DISP1: variants seen among roughly 807,000 people sequenced by gnomAD.
The protein encoded by DISP1 is dispatched RND transporter family member 1, also known as protein dispatched homolog 1.
DISP1 carries 30 observed loss-of-function variants against 37.3 expected under a neutral mutation model. That is an observed-to-expected ratio of 0.80 (90% confidence interval 0.60 to 1.09). The LOEUF (loss-of-function observed/expected upper bound fraction) is 1.09. Among genes scored for constraint, DISP1 ranks in the 50% least tolerant of loss-of-function variants. The pLI is 0.00. For missense variants in DISP1, 1,598 were observed against 1,879.5 expected (o/e 0.85, Z 2.77); for synonymous variants, 634 against 690.2 (o/e 0.92, Z 1.28).
chr1:222,969,589 G>C (rs1451874627), intron 3 of DISP1, among the ~76,000 whole-genome samples: 1 of 151,744 alleles, frequency 6.6e-6, no homozygotes, highest in East Asian at 1.9e-4. Context: ...TGATATATAA[G>C]TAATGGCAAA....
chr1:222,992,126 G>A lies in DISP1; in HGVS notation c.889+16G>A, dbSNP rs1678743979. The A allele has an allele frequency of 1.3e-6, 2 of 1,593,126 alleles. No individual in the cohort carries two copies. The highest frequency in any genetic ancestry group is 3.3e-4 in the Middle Eastern group (2 of 6,014). ...GACGTTCCAAGTGAGTGACATTGTAGATGAACAAACCACTCAGCAGTTTGC... is the reference window on the plus strand; with the variant it reads ...GACGTTCCAAGTGAGTGACATTGTAAATGAACAAACCACTCAGCAGTTTGC... On this transcript the variant is annotated intron_variant, in intron 7 of 8. Coordinates refer to ENST00000675850, the MANE Select transcript of DISP1 (RefSeq NM_001377229.1).
chr1:222,985,390 G>A (rs146525136), intron 4 of DISP1, among the ~76,000 whole-genome samples: 1 of 152,178 alleles, frequency 6.6e-6, no homozygotes, highest in Non-Finnish European at 1.5e-5. Flanking sequence ...AGTGGCTCAC[G>A]CCTATAATCC....
At chr1:222,963,262 G>C (rs545604114) in intron 3 of DISP1, among the ~76,000 whole-genome samples, 1 of 152,212 alleles carries the variant, frequency 6.6e-6, no homozygotes, top group Admixed American at 6.5e-5. Flanking sequence ...TTATTAAAAA[G>C]TCATGAAACA....
intron 3 of DISP1, 128 bp downstream of exon 3, chr1:222,943,460 C>A: frequency 7.6e-7 from 1 of 1,320,446 alleles, no homozygotes; most frequent in Non-Finnish European, 1.1e-6. Flanking sequence ...AACGCATATT[C>A]TGTGGATTGT....
At chr1:222,888,676 T>C (rs1398749075) in intron 1 of DISP1, among the ~76,000 whole-genome samples, 1 of 152,148 alleles carries the variant, frequency 6.6e-6, no homozygotes, top group Non-Finnish European at 1.5e-5. Context: ...AGAAAATTTT[T>C]ATTTTCTCCC....
At chr1:222,936,814 T>TATATATCACATATATG (rs1673841597) in intron 2 of DISP1, among the ~76,000 whole-genome samples, 1 of 32,536 alleles carries the variant, frequency 3.1e-5, no homozygotes, top group Non-Finnish European at 6.1e-5. Context: ...ATATATAAAT[T>TATATATCACATATATG]ATATATAATA....
At chr1:222,828,576 A>C (rs578159064) in intron 1 of DISP1, among the ~76,000 whole-genome samples, 1 of 152,026 alleles carries the variant, frequency 6.6e-6, no homozygotes, top group East Asian at 1.9e-4. Flanking sequence ...ATGTTTTTTA[A>C]TTTACTCCCT....
intron 1 of DISP1, among the ~76,000 whole-genome samples, chr1:222,829,066 G>A (rs1353133901): frequency 2.6e-5 from 4 of 152,098 alleles, no homozygotes; most frequent in Non-Finnish European, 5.9e-5. Context: ...CTATTTGTTT[G>A]ATGAAGAAGC....
intron 2 of DISP1, among the ~76,000 whole-genome samples, chr1:222,939,998 C>T (rs554460078): frequency 1.4e-4 from 22 of 151,850 alleles, no homozygotes; most frequent in Non-Finnish European, 2.6e-4. Context: ...TGGTGGTGGG[C>T]GCCTGTAGTC....
chr1:222,838,029 T>A (rs1178913018), intron 1 of DISP1, among the ~76,000 whole-genome samples: 1 of 152,182 alleles, frequency 6.6e-6, no homozygotes, highest in African/African-American at 2.4e-5. Context: ...TCCTATTATT[T>A]CTCAATAGTA....
At chr1:222,957,777 A>T (rs534842536) in intron 3 of DISP1, among the ~76,000 whole-genome samples, 4 of 152,114 alleles carry the variant, frequency 2.6e-5, no homozygotes, top group Non-Finnish European at 5.9e-5. Context: ...CTTAGATAAC[A>T]CAATTCCTTT....
chr1:222,997,281 A>C (rs1482763789), intron 8 of DISP1, among the ~76,000 whole-genome samples: 1 of 152,164 alleles, frequency 6.6e-6, no homozygotes, highest in Non-Finnish European at 1.5e-5. Context: ...TGGGAGCTGC[A>C]AACTTATCTG....
intron 4 of DISP1, among the ~76,000 whole-genome samples, chr1:222,985,851 A>G: frequency 6.6e-6 from 1 of 152,216 alleles, no homozygotes; most frequent in East Asian, 1.9e-4. Flanking sequence ...CTTCACAAGA[A>G]AAAGAGTTGT....
intron 1 of DISP1, among the ~76,000 whole-genome samples, chr1:222,875,930 C>G (rs1355493016): frequency 6.6e-6 from 1 of 151,168 alleles, no homozygotes; most frequent in East Asian, 1.9e-4. Flanking sequence ...TTAACTCTTG[C>G]CACTATTGTA....
chr1:222,876,087 T>A (rs1170212850), intron 1 of DISP1, among the ~76,000 whole-genome samples: 3 of 152,164 alleles, frequency 2.0e-5, no homozygotes, highest in South Asian at 4.1e-4. Context: ...TATCTGCCTC[T>A]TATGGTTGTC....
intron 3 of DISP1, among the ~76,000 whole-genome samples, chr1:222,954,051 A>G (rs1675423134): frequency 6.6e-6 from 1 of 152,074 alleles, no homozygotes. Context: ...AGTAAAGGGG[A>G]AAAAAAGAAA....
chr1:222,847,468 A>C lies in DISP1; in HGVS notation c.-159+32390A>C, dbSNP rs139516293. ...ATAAGTTGTATTTACACATATAAAA[A>C]TGTGTATGTGCATATACACACAGGA... is the stretch of plus-strand genomic sequence containing the variant. On this transcript the variant is annotated intron_variant, in intron 1 of 8. Transcript: ENST00000675850. 1.4e-3 allele frequency among the ~76,000 whole-genome samples: 215 copies of C among 152,330 alleles called. 1 individual carries two copies. The highest frequency in any genetic ancestry group is 5.0e-3 in the African/African-American group (207 of 41,574).
intron 2 of DISP1, among the ~76,000 whole-genome samples, chr1:222,937,432 T>A (rs1013998014): frequency 1.3e-5 from 2 of 152,150 alleles, no homozygotes; most frequent in Admixed American, 1.3e-4. Context: ...CGTTATGTAT[T>A]ATACAAGAGT....
chr1:223,004,329 G>T lies in DISP1; in HGVS notation c.2932G>T (p.Asp978Tyr), dbSNP rs1441196962. 2.5e-6 allele frequency: 4 copies of T among 1,614,068 alleles called. No homozygotes were observed. The highest frequency in any genetic ancestry group is 3.4e-6 in the Non-Finnish European group (4 of 1,180,036). ...CAATCTGGAGTTCTATGACCTCCAG[G>T]ATAGCCTCTCCGATGGCACCCTCAT... is the stretch of plus-strand genomic sequence containing the variant. ...VSNLEFYDLQ[D>Y]SLSDGTLIAM... The change falls in exon 9 of 9, where the codon GAT (aspartate) becomes TAT (tyrosine). Residue 978 changes from aspartate (D) to tyrosine (Y), a missense_variant. Physicochemically the swap from Asp to Tyr is radical, Grantham distance 160. Coordinates refer to ENST00000675850, the MANE Select transcript of DISP1 (RefSeq NM_001377229.1). This position sits in a 1 kb window ranked among gnomAD's most constrained non-coding sequence, Gnocchi z 4.9.
Sources: gnomAD v4.1 joint callset for allele counts (sites outside exome capture counted in the v4.1 genomes callset) on GRCh38, gnomAD v4.1.1 for gene constraint, Gnocchi (gnomAD v3.1) non-coding constraint, MANE v1.5 for transcripts, NCBI Gene and HGNC (gene_info 2026-07-23, HGNC 2026-07-21) for gene names.